The following FBXL7 variants were observed in gnomAD, a reference collection of about 807,000 sequenced individuals.
The protein encoded by FBXL7 is F-box/LRR-repeat protein 7.
Under a neutral mutation model 38.3 loss-of-function variants are expected in FBXL7, and 12 were observed. The ratio of observed to expected loss-of-function variants is 0.31; its 90% CI spans 0.20 to 0.51. The LOEUF is 0.51. FBXL7 is among the 20% of genes least tolerant of loss of function. FBXL7 has a pLI of 0.98. For missense variants in FBXL7, 567 were observed against 676.4 expected (o/e 0.84, Z 1.79); for synonymous variants, 297 against 300.9 (o/e 0.99, Z 0.13).
chr5:15,566,292 G>A (rs952594630), intron 1 of FBXL7, among the ~76,000 whole-genome samples: 8 of 152,090 alleles, frequency 5.3e-5, no homozygotes, highest in Non-Finnish European at 8.8e-5. Context: ...CCTGTGCTCC[G>A]CTGCCTTTTT....
At chr5:15,505,597 A>G (rs1459187882) in intron 1 of FBXL7, among the ~76,000 whole-genome samples, 1 of 152,134 alleles carries the variant, frequency 6.6e-6, no homozygotes, top group East Asian at 1.9e-4. Flanking sequence ...TCAGTAAACC[A>G]TGTGGTACAC....
intron 2 of FBXL7, among the ~76,000 whole-genome samples, chr5:15,925,208 C>T (rs73752388): frequency 0.01 from 1,594 of 152,286 alleles, 26 homozygotes; most frequent in African/African-American, 0.036. Context: ...ATAATACAAT[C>T]AACCACATTG....
At chr5:15,807,683 C>CTT (rs34248054) in intron 2 of FBXL7, among the ~76,000 whole-genome samples, 83 of 148,542 alleles carry the variant, frequency 5.6e-4, no homozygotes, top group Middle Eastern at 3.5e-3. Flanking sequence ...TTTTTCTTTT[C>CTT]TTTTTTTTTT....
chr5:15,857,413 T>C (rs985626227), intron 2 of FBXL7, among the ~76,000 whole-genome samples: 1 of 152,192 alleles, frequency 6.6e-6, no homozygotes, highest in Non-Finnish European at 1.5e-5. Context: ...AGAGAGAGCC[T>C]AAATGACGTT....
chr5:15,649,407 G>A (rs180974072), intron 2 of FBXL7, among the ~76,000 whole-genome samples: 3 of 152,280 alleles, frequency 2.0e-5, no homozygotes, highest in Admixed American at 1.3e-4. Context: ...TATTAATGTA[G>A]ACAAGTCCTG....
At chr5:15,588,111 C>T (rs776469360) in intron 1 of FBXL7, among the ~76,000 whole-genome samples, 1 of 152,154 alleles carries the variant, frequency 6.6e-6, no homozygotes, top group Non-Finnish European at 1.5e-5. Context: ...TAAAACTAGA[C>T]TTTTACTTTA....
intron 2 of FBXL7, among the ~76,000 whole-genome samples, chr5:15,635,875 T>C (rs953323488): frequency 6.6e-6 from 1 of 150,944 alleles, no homozygotes; most frequent in Non-Finnish European, 1.5e-5. Context: ...TGAGAGAGAA[T>C]GTACTTTGGG....
chr5:15,564,206 T>C (rs562297516), intron 1 of FBXL7, among the ~76,000 whole-genome samples: 1 of 152,236 alleles, frequency 6.6e-6, no homozygotes, highest in South Asian at 2.1e-4. Context: ...TTTCCCTTTC[T>C]CCTCCATTAT....
intron 1 of FBXL7, among the ~76,000 whole-genome samples, chr5:15,583,220 A>G (rs192027762): frequency 1.0e-3 from 156 of 152,270 alleles, no homozygotes; most frequent in Non-Finnish European, 1.4e-3. Flanking sequence ...AACTGCCCAC[A>G]TGATCCAGTC....
chr5:15,915,085 G>A (rs1741547804), intron 2 of FBXL7, among the ~76,000 whole-genome samples: 1 of 152,186 alleles, frequency 6.6e-6, no homozygotes, highest in African/African-American at 2.4e-5. Flanking sequence ...CTTCTGGGCT[G>A]GGAGAACATG....
chr5:15,756,771 C>CA (rs35789613), intron 2 of FBXL7, among the ~76,000 whole-genome samples: 27,844 of 152,098 alleles, frequency 0.18, 2,554 homozygotes, highest in South Asian at 0.24. Flanking sequence ...GATTAGGTTC[C>CA]GTCTGCTTTG....
chr5:15,927,786 AAG>A (rs70938036), intron 2 of FBXL7, 102 bp from the exon 3 acceptor site: 16 of 829,418 alleles, frequency 1.9e-5, no homozygotes, highest in South Asian at 8.0e-5. Context: ...AAAAAAAAAA[AAG>A]AAGAAGAAAG....
At chr5:15,668,102 C>T (rs1490660711) in intron 2 of FBXL7, among the ~76,000 whole-genome samples, 20 of 152,310 alleles carry the variant, frequency 1.3e-4, no homozygotes, top group Admixed American at 1.2e-3. Context: ...GCAGATCCAA[C>T]CTGATGAGCC....
In FBXL7 at chr5:15,671,394, TCTGCTATGATAGGTAAAAATTTAC is replaced by T. The variant is rs550755238; in HGVS notation, c.127+55325_127+55348del. 8.5e-3 allele frequency among the ~76,000 whole-genome samples: 1,298 copies of T among 152,320 alleles called. 12 individuals are homozygous for T. The highest frequency in any genetic ancestry group is 0.03 in the African/African-American group (1,230 of 41,582). Reference sequence around the variant, plus strand: ...ACATTTTTGCTCATTCAATAAGGCCTCTGCTATGATAGGTAAAAATTTACCTACTTATGCTAGGTGAGTTAAACA... The same window carrying T: ...ACATTTTTGCTCATTCAATAAGGCCTCTACTTATGCTAGGTGAGTTAAACA... On this transcript the variant is annotated intron_variant, in intron 2 of 3. Coordinates refer to ENST00000504595, the MANE Select transcript of FBXL7 (RefSeq NM_012304.5).
At chr5:15,615,513 A>G (rs1740415286) in intron 1 of FBXL7, among the ~76,000 whole-genome samples, 1 of 152,198 alleles carries the variant, frequency 6.6e-6, no homozygotes, top group Non-Finnish European at 1.5e-5. Flanking sequence ...AGGAGGACCT[A>G]TTAAAGCAGG....
intron 2 of FBXL7, among the ~76,000 whole-genome samples, chr5:15,662,596 T>G (rs1742123193): frequency 1.3e-5 from 2 of 152,216 alleles, no homozygotes; most frequent in African/African-American, 4.8e-5. Flanking sequence ...CAGAATAGTA[T>G]TGCCTAGATT....
intron 2 of FBXL7, among the ~76,000 whole-genome samples, chr5:15,631,313 T>C (rs889628067): frequency 1.3e-5 from 2 of 152,180 alleles, no homozygotes; most frequent in Admixed American, 1.3e-4. Context: ...TACATGTACA[T>C]GTGAGGACGT....
intron 2 of FBXL7, among the ~76,000 whole-genome samples, chr5:15,871,245 A>G (rs182645295): frequency 2.0e-5 from 3 of 152,336 alleles, no homozygotes; most frequent in East Asian, 1.9e-4. Context: ...ACAAAAAGCA[A>G]TAGCATCAAC....
chr5:15,913,267 T>A (rs1741490263), intron 2 of FBXL7, among the ~76,000 whole-genome samples: 1 of 69,038 alleles, frequency 1.4e-5, no homozygotes, highest in Non-Finnish European at 4.2e-5. Context: ...TTTTTTTTAT[T>A]AATTTTTTTT....
Sources: gnomAD v4.1 joint callset for allele counts (sites outside exome capture counted in the v4.1 genomes callset) on GRCh38, gnomAD v4.1.1 for gene constraint, MANE v1.5 for transcripts, NCBI Gene and HGNC (gene_info 2026-07-23, HGNC 2026-07-21) for gene names.